Variants in PRKD2 observed in about 807,000 individuals in gnomAD.
PRKD2 encodes protein kinase D2.
A neutral mutation model predicts 86.0 loss-of-function variants in PRKD2; 22 were observed. The observed-to-expected ratio is 0.26, with a 90% CI of 0.18 to 0.37. The LOEUF is 0.37. Ranked by LOEUF, PRKD2 falls within the 10% of genes least tolerant of loss-of-function variation. PRKD2 has a pLI of 1.00. For synonymous variants in PRKD2, 509 were observed against 510.9 expected, an observed-to-expected ratio of 1.00 and a Z score of 0.05; for missense variants, 818 against 1,199.2, an observed-to-expected ratio of 0.68 and a Z score of 4.70.
rs549472928 is a variant in PRKD2 at position 46,710,038 on chromosome 19, C to T, written c.511+869G>A. On this transcript the variant is annotated intron_variant, in intron 3 of 17. Coordinates refer to ENST00000291281, the MANE Select transcript of PRKD2 (RefSeq NM_016457.5). Reference sequence around the variant, plus strand: ...TCAGCCTCCCAAGTAGCTGGGACTACAGGCGTGTGCCACCACGTCCGGCTA... The same window carrying T: ...TCAGCCTCCCAAGTAGCTGGGACTATAGGCGTGTGCCACCACGTCCGGCTA... Among the ~76,000 whole-genome samples, 206 of 152,188 alleles carry T rather than the reference C, an allele frequency of 1.4e-3. 2 individuals are homozygous for T. In the South Asian group the frequency reaches 0.014, roughly 10 times the overall value.
In PRKD2 at chr19:46,696,058, C is replaced by T. The variant is rs550111219; in HGVS notation, c.1317+1099G>A. On this transcript the variant is annotated intron_variant, in intron 9 of 17. Coordinates refer to ENST00000291281, the MANE Select transcript of PRKD2 (RefSeq NM_016457.5). ...TTCACCATATTGGCCAGGCTGGTTT[C>T]GAACTCATGATCTCAAGTGATCCGC... 3.3e-5 allele frequency among the ~76,000 whole-genome samples: 5 copies of T among 152,188 alleles called. No individual in the cohort carries two copies. The South Asian group carries it at 8.3e-4, about 25-fold the overall frequency.
At chr19:46,710,704 C>T in intron 3 of PRKD2, 1 of 638,736 alleles carries the variant, frequency 1.6e-6, no homozygotes, top group South Asian at 2.3e-5. Context: ...GCCCCTAGAC[C>T]TGAGCCCCGG....
chr19:46,708,712 C>G (rs890062743), intron 3 of PRKD2, among the ~76,000 whole-genome samples: 6 of 152,178 alleles, frequency 3.9e-5, no homozygotes, highest in Admixed American at 6.6e-5. Flanking sequence ...GCAGGCTACA[C>G]CAGAAACAGA....
chr19:46,674,332 A>G lies in PRKD2; in HGVS notation c.*191T>C, dbSNP rs1320612255. ...AGTGCCGTGTGCTGAGATCAAGGCCATGGGGCCAGAGATGAGTCCGTTTTA... is the reference window on the plus strand; with the variant it reads ...AGTGCCGTGTGCTGAGATCAAGGCCGTGGGGCCAGAGATGAGTCCGTTTTA... On this transcript the variant is annotated 3_prime_UTR_variant, in exon 18 of 18. Coordinates refer to ENST00000291281, the MANE Select transcript of PRKD2 (RefSeq NM_016457.5). 1.6e-6 allele frequency: 1 copy of G among 614,510 alleles called. No individual in the cohort carries two copies. The highest frequency in any genetic ancestry group is 2.8e-6 in the Non-Finnish European group (1 of 353,956). 38.1% of individuals were successfully genotyped at this position (614,510 alleles called of 1,614,324 possible).
Position 46,675,098 on chromosome 19 carries a change from G to A in PRKD2, c.2359C>T (p.Leu787=). The change falls in exon 17 of 18, where the codon CTG becomes TTG. Residue 787 remains leucine, a synonymous_variant. Coordinates refer to ENST00000291281, the MANE Select transcript of PRKD2 (RefSeq NM_016457.5). ...SAGAIDLINN[L]LQVKMRKRYS... is the part of the protein sequence containing the mutation. ...CGTTTGCGCATCTTCACCTGCAGCA[G>A]GTTGTTGATGAGGTCAATGGCTGCA... 6.2e-7 allele frequency: 1 copy of A among 1,611,102 alleles called. No individual in the cohort carries two copies. Among genetic ancestry groups the A allele is most frequent in the Non-Finnish European group, 8.5e-7 (1 of 1,178,474 alleles).
intron 2 of PRKD2, among the ~76,000 whole-genome samples, chr19:46,713,044 G>A (rs994660219): frequency 3.3e-5 from 5 of 151,566 alleles, no homozygotes; most frequent in African/African-American, 1.2e-4. Flanking sequence ...TTAGAGATAG[G>A]GTCTCTCTCT....
intron 14 of PRKD2, among the ~76,000 whole-genome samples, chr19:46,684,426 A>G (rs887872916): frequency 6.6e-6 from 1 of 152,052 alleles, no homozygotes; most frequent in Non-Finnish European, 1.5e-5. Context: ...GGTTCAAGCA[A>G]TTCTTGTGCC....
Position 46,674,606 on chromosome 19 carries a change from G to A in PRKD2, c.2554C>T (p.Pro852Ser). The A allele has an allele frequency of 6.2e-7, 1 of 1,610,082 alleles. No homozygotes were observed. Among genetic ancestry groups the A allele is most frequent in the Non-Finnish European group, 8.5e-7 (1 of 1,179,970 alleles). The change falls in exon 18 of 18, where the codon CCC becomes TCC. Residue 852 changes from proline to serine, a missense_variant. By Grantham distance (74) the Pro-to-Ser change is moderately conservative (BLOSUM62 -1). Transcript: ENST00000291281. The stretch of plus-strand genomic sequence containing the variant: ...GCCCCACCGAGATCCCTGTCCGTGG[G>A]CAGCCCAGACCCAGGCAGCGGATGC... ...AEHPLPGSGL[P>S]TDRDLGGACP... is the part of the protein sequence containing the mutation.
chr19:46,713,995 C>T lies in PRKD2; in HGVS notation c.247G>A (p.Glu83Lys), dbSNP rs750649124. 6.2e-7 allele frequency: 1 copy of T among 1,613,518 alleles called. No homozygotes were observed. The highest frequency in any genetic ancestry group is 8.5e-7 in the Non-Finnish European group (1 of 1,179,776). ...ACSIVDQKFP[E>K]CGFYGLYDKI... ...TCGTAAAGGCCGTAGAAGCCACACT[C>T]AGGGAACTGAGGGGCGGGAGAGGGA... The change falls in exon 2 of 18, where the codon GAG becomes AAG. Residue 83 changes from glutamate (E) to lysine (K), a missense_variant. By Grantham distance (56) the Glu-to-Lys change is moderately conservative. This residue lies in a region of PRKD2 where 403 missense variants were observed against 518.6 expected (regional missense o/e 0.78). Coordinates refer to ENST00000291281, the MANE Select transcript of PRKD2 (RefSeq NM_016457.5).
In PRKD2 at chr19:46,700,907, C is replaced by T. The variant is rs780980915; in HGVS notation, c.1013G>A (p.Ser338Asn). The change falls in exon 7 of 18, where the codon AGC becomes AAC. Residue 338 changes from serine to asparagine, a missense_variant. Ser to Asn is a conservative substitution (Grantham distance 46). Coordinates refer to ENST00000291281, the MANE Select transcript of PRKD2 (RefSeq NM_016457.5). ...EATDFSEADK[S>N]ALMDESEDSG... ...GTCCTCTGACTCATCCATGAGGGCG[C>T]TCTTGTCAGCCTCGCTGAAATCGGT... is the stretch of plus-strand genomic sequence containing the variant. 1.2e-6 allele frequency: 2 copies of T among 1,614,248 alleles called. No homozygotes were observed. The highest frequency in any genetic ancestry group is 8.5e-7 in the Non-Finnish European group (1 of 1,180,032).
At position 46,714,484 on chromosome 19, in the gene PRKD2, G is replaced by GGGT. The variant is rs1193821701; in HGVS notation, c.241-484_241-483insACC. 3 of 153,352 alleles carry GGGT rather than the reference G, an allele frequency of 2.0e-5. 1 individual carries two copies. Among genetic ancestry groups the GGGT allele is most frequent in the Non-Finnish European group, 4.3e-5 (3 of 70,088 alleles). 9.5% of individuals were successfully genotyped at this position (153,352 alleles called of 1,614,324 possible). On this transcript the variant is annotated intron_variant, in intron 1 of 17. Transcript: ENST00000291281. ...TCGGGGCTCCTGGGAAAGTGGGGGG[G>GGGT]GGGGCCGGGGGACTTGGACTCGAGG...
At chr19:46,689,428 T>C (rs1157830551) in intron 14 of PRKD2, 109 bp downstream of exon 14, 1 of 1,290,004 alleles carries the variant, frequency 7.8e-7, no homozygotes, top group Non-Finnish European at 1.1e-6. Flanking sequence ...TTCTGTTATC[T>C]GCTATTGTGA....
At chr19:46,698,745 C>T (rs1370255239) in intron 7 of PRKD2, among the ~76,000 whole-genome samples, 6 of 152,160 alleles carry the variant, frequency 3.9e-5, no homozygotes, top group Non-Finnish European at 2.9e-5. Flanking sequence ...CACTTGAGGT[C>T]AGGAGTTTGA....
At chr19:46,713,097 C>T (rs1390676596) in intron 2 of PRKD2, among the ~76,000 whole-genome samples, 2 of 151,680 alleles carry the variant, frequency 1.3e-5, no homozygotes, top group Non-Finnish European at 2.9e-5. Flanking sequence ...TGGCTCACTG[C>T]AGCCTCAAAC....
intron 14 of PRKD2, among the ~76,000 whole-genome samples, chr19:46,683,256 G>A (rs1027269412): frequency 6.7e-6 from 1 of 149,650 alleles, no homozygotes; most frequent in African/African-American, 2.5e-5. Context: ...CACCATGCCC[G>A]GCTAATTTTT....
At chr19:46,697,121 G>A (rs985869213) in intron 9 of PRKD2, 36 bp downstream of exon 9, 1 of 1,496,178 alleles carries the variant, frequency 6.7e-7, no homozygotes, top group Non-Finnish European at 9.3e-7. Flanking sequence ...TGGGCACAGC[G>A]GGAAGTCCGA....
At chr19:46,699,046 C>T (rs553499662) in intron 7 of PRKD2, among the ~76,000 whole-genome samples, 148 of 152,232 alleles carry the variant, frequency 9.7e-4, no homozygotes, top group Non-Finnish European at 1.4e-3. Context: ...ACTCTGTCGT[C>T]ACTGTGACTG....
chr19:46,714,063 G>A, intron 1 of PRKD2, 62 bp from the exon 2 acceptor site: 1 of 1,584,198 alleles, frequency 6.3e-7, no homozygotes, highest in Non-Finnish European at 8.6e-7. Flanking sequence ...GCAGCGGGCG[G>A]ACTGTGACCC....
chr19:46,702,084 T>C (rs193142881), intron 5 of PRKD2, among the ~76,000 whole-genome samples: 1 of 146,708 alleles, frequency 6.8e-6, no homozygotes, highest in East Asian at 2.1e-4. Flanking sequence ...TCACCCAGAC[T>C]AGAGTGTGCA....
Sources: allele counts gnomAD v4.1 joint callset (sites outside exome capture counted in the v4.1 genomes callset), GRCh38; gene constraint gnomAD v4.1.1; regional missense constraint gnomAD v4.1.1; transcripts MANE v1.5; gene names NCBI Gene and HGNC (gene_info 2026-07-23, HGNC 2026-07-21).